The following KDM2B variants were observed in gnomAD, a reference collection of about 807,000 sequenced individuals.
KDM2B encodes the protein lysine demethylase 2B, also known as lysine-specific demethylase 2B.
A neutral mutation model predicts 150.0 loss-of-function variants in KDM2B; 26 were observed. The ratio of observed to expected loss-of-function variants is 0.17; its 90% CI spans 0.13 to 0.24. The LOEUF is 0.24. KDM2B is among the 10% of genes least tolerant of loss of function. The pLI is 1.00. For missense variants in KDM2B, 1,265 were observed against 1,816.9 expected (o/e 0.70, Z 5.52); for synonymous variants, 734 against 729.5 (o/e 1.01, Z -0.10).
intron 12 of KDM2B, among the ~76,000 whole-genome samples, chr12:121,483,415 G>A (rs1277975898): frequency 1.3e-5 from 2 of 152,160 alleles, no homozygotes; most frequent in Non-Finnish European, 2.9e-5. Context: ...GCTCACGCCT[G>A]TAATCCTAGC....
At chr12:121,414,688 T>C in the KDM2B span, among the ~76,000 whole-genome samples, 1 of 152,188 alleles carries the variant, frequency 6.6e-6, no homozygotes, top group Non-Finnish European at 1.5e-5. Context: ...TTGTTGTTTT[T>C]TCGAGATGGA....
At chr12:121,458,096 A>G (rs1262480789) in intron 12 of KDM2B, among the ~76,000 whole-genome samples, 1 of 152,146 alleles carries the variant, frequency 6.6e-6, no homozygotes, top group African/African-American at 2.4e-5. Context: ...CAAAATCCCA[A>G]CTGGGGCTGG....
At chr12:121,496,693 T>C (rs1883983305) in intron 11 of KDM2B, among the ~76,000 whole-genome samples, 1 of 152,124 alleles carries the variant, frequency 6.6e-6, no homozygotes, top group African/African-American at 2.4e-5. Context: ...GTTCTCACCA[T>C]GTTGCACAGG....
At chr12:121,436,224 T>A (rs1200588559) in intron 22 of KDM2B, among the ~76,000 whole-genome samples, 2 of 152,102 alleles carry the variant, frequency 1.3e-5, no homozygotes, top group African/African-American at 4.8e-5. Flanking sequence ...AACTAAAAAC[T>A]CAGTGTATAA....
chr12:121,561,395 A>G (rs1287000056), intron 4 of KDM2B, among the ~76,000 whole-genome samples: 1 of 152,172 alleles, frequency 6.6e-6, no homozygotes, highest in Non-Finnish European at 1.5e-5. Flanking sequence ...AGCACTGATT[A>G]GCAAGAGCAC....
the KDM2B span, among the ~76,000 whole-genome samples, chr12:121,414,446 A>G: frequency 6.6e-6 from 1 of 151,880 alleles, no homozygotes; most frequent in Non-Finnish European, 1.5e-5. Flanking sequence ...AGACTGCAGT[A>G]AAAAGGAGAC....
chr12:121,542,943 A>G (rs1477034643), intron 6 of KDM2B, among the ~76,000 whole-genome samples: 1 of 152,234 alleles, frequency 6.6e-6, no homozygotes, highest in Non-Finnish European at 1.5e-5. Context: ...TGCACATAAG[A>G]TAACTAATAA....
intron 6 of KDM2B, among the ~76,000 whole-genome samples, chr12:121,539,180 CT>C (rs1471799573): frequency 1.3e-5 from 2 of 151,712 alleles, no homozygotes; most frequent in Non-Finnish European, 2.9e-5. Context: ...CGTTTCACCC[CT>C]AAGACAACCA....
chr12:121,502,179 A>G (rs1296167537), intron 11 of KDM2B, among the ~76,000 whole-genome samples: 2 of 152,206 alleles, frequency 1.3e-5, no homozygotes, highest in African/African-American at 4.8e-5. Context: ...TTGCTGAGCT[A>G]TTAAAGGCCC....
intron 11 of KDM2B, among the ~76,000 whole-genome samples, chr12:121,499,741 AGT>A (rs770180914): frequency 2.4e-4 from 36 of 151,996 alleles, no homozygotes; most frequent in Admixed American, 6.6e-4. Context: ...TGAGGTCAGG[AGT>A]TCAAGACAAG....
intron 22 of KDM2B, among the ~76,000 whole-genome samples, chr12:121,436,244 G>A (rs375513816): frequency 3.3e-4 from 50 of 152,312 alleles, no homozygotes; most frequent in Admixed American, 2.4e-3. Flanking sequence ...AGTTGTGGCC[G>A]GACGCGGTGG....
At chr12:121,512,995 T>C (rs1885722017) in intron 10 of KDM2B, among the ~76,000 whole-genome samples, 1 of 152,234 alleles carries the variant, frequency 6.6e-6, no homozygotes, top group Admixed American at 6.5e-5. Context: ...GATCCCGTTT[T>C]AGCAGCCAAG....
chr12:121,432,364 T>C (rs1440808349), intron 22 of KDM2B, among the ~76,000 whole-genome samples: 3 of 152,246 alleles, frequency 2.0e-5, no homozygotes, highest in African/African-American at 7.2e-5. Context: ...ACTTGATTCA[T>C]TTTAAGTATA....
intron 1 of KDM2B, chr12:121,579,943 CAAAAAAAA>C: frequency 2.7e-6 from 3 of 1,107,260 alleles, no homozygotes; most frequent in East Asian, 3.3e-5. Flanking sequence ...GAGAAACAAC[CAAAAAAAA>C]AAAAAAAAAG....
chr12:121,479,784 G>A (rs1169223592), intron 12 of KDM2B, among the ~76,000 whole-genome samples: 1 of 151,942 alleles, frequency 6.6e-6, no homozygotes, highest in Non-Finnish European at 1.5e-5. Flanking sequence ...ACCACACCCA[G>A]CTAATTTTTG....
At chr12:121,457,123 C>T (rs1186976610) in intron 12 of KDM2B, among the ~76,000 whole-genome samples, 1 of 152,148 alleles carries the variant, frequency 6.6e-6, no homozygotes, top group Non-Finnish European at 1.5e-5. Flanking sequence ...ATACAGAAAA[C>T]AGTGACACAA....
At chr12:121,547,616 C>A (rs1212688542) in intron 6 of KDM2B, among the ~76,000 whole-genome samples, 1 of 151,262 alleles carries the variant, frequency 6.6e-6, no homozygotes, top group Non-Finnish European at 1.5e-5. Context: ...ATGGCCCTGC[C>A]TGGGACAGCC....
intron 12 of KDM2B, among the ~76,000 whole-genome samples, chr12:121,455,977 G>A (rs797037533): frequency 1.8e-4 from 27 of 152,368 alleles, no homozygotes; most frequent in African/African-American, 5.5e-4. Context: ...GCTAAGGACC[G>A]AGATGACGGC....
At chr12:121,530,063 C>T (rs1887520144) in intron 8 of KDM2B, among the ~76,000 whole-genome samples, 1 of 149,572 alleles carries the variant, frequency 6.7e-6, no homozygotes, top group Non-Finnish European at 1.5e-5. Context: ...CGTGTCTCTA[C>T]TAAAAACACA....
Sources: gnomAD v4.1 joint callset for allele counts (sites outside exome capture counted in the v4.1 genomes callset) on GRCh38, gnomAD v4.1.1 for gene constraint, MANE v1.5 for transcripts, NCBI Gene and HGNC (gene_info 2026-07-23, HGNC 2026-07-21) for gene names.